Variants in PAPLN observed in about 807,000 individuals in gnomAD.
PAPLN encodes papilin.
A neutral mutation model predicts 159.0 loss-of-function variants in PAPLN; 146 were observed. The observed-to-expected ratio is 0.92, with a 90% confidence interval of 0.80 to 1.05. The LOEUF is 1.05. Among genes scored for constraint, PAPLN ranks in the 50% least tolerant of loss-of-function variants. The pLI is 0.00. For missense variants in PAPLN, 1,720 were observed against 1,743.9 expected (o/e 0.99, Z 0.24); for synonymous variants, 734 against 702.9 (o/e 1.04, Z -0.70).
chr14:73,251,714 G>C lies in PAPLN; in HGVS notation c.721G>C (p.Glu241Gln), dbSNP rs748584574. The C allele has an allele frequency of 6.2e-7, 1 of 1,613,276 alleles. No individual in the cohort carries two copies. The highest frequency in any genetic ancestry group is 8.5e-7 in the Non-Finnish European group (1 of 1,179,992). ...CTACCTCAATGGGCACTGGACCATC[G>C]AGGCGGCCCGGGCCCTGCCAGCAGC... ...EYYLNGHWTI[E>Q]AARALPAAST... Residue 241 changes from glutamate to glutamine, a missense_variant, in exon 9 of 27, where the codon GAG becomes CAG. Transcript: ENST00000644200.
Position 73,245,260 on chromosome 14 carries a change from TGA to T in PAPLN, c.171-371_171-370del, listed in dbSNP as rs1594780297. ...CCTGAGAACCCTATGTGAGGAGGAA[TGA>T]GAGACCAGGAATGATCCTAAGAGCC... On this transcript the variant is annotated intron_variant, in intron 3 of 26. Coordinates refer to ENST00000644200, the MANE Select transcript of PAPLN (RefSeq NM_001365906.3). This position sits in a 1 kb window ranked among gnomAD's most constrained non-coding sequence, Gnocchi z 4.2. 4.2e-6 allele frequency: 1 copy of T among 237,746 alleles called. No individual in the cohort carries two copies. Among genetic ancestry groups the T allele is most frequent in the South Asian group, 6.8e-5 (1 of 14,806 alleles). The allele number at this position is 237,746 out of a possible 1,614,324, so 14.7% of individuals were successfully genotyped here.
chr14:73,260,869 C>G (rs765680856), intron 17 of PAPLN, 40 bp downstream of exon 17: 1 of 1,494,522 alleles, frequency 6.7e-7, no homozygotes. Context: ...GGGGGCCAGC[C>G]CGTGAGCCTG....
intron 5 of PAPLN, 61 bp from the exon 6 acceptor site, chr14:73,249,923 G>A: frequency 6.6e-7 from 1 of 1,525,712 alleles, no homozygotes. Context: ...GTAAGCCTTG[G>A]GTCTTGGGGA....
In PAPLN at chr14:73,262,577, A is replaced by G; in HGVS notation, c.2473A>G (p.Thr825Ala). The change falls in exon 19 of 27, where the codon ACG becomes GCG. Residue 825 changes from threonine (T) to alanine (A), a missense_variant. Coordinates refer to ENST00000644200, the MANE Select transcript of PAPLN (RefSeq NM_001365906.3). ...QPGASGRSTH[T>A]DGGGSSPAGE... ...TGGGGCTTCTGGAAGGAGCACCCAC[A>G]CGGATGGTGGCGGCAGCAGTCCTGC... 1 of 1,564,626 alleles carries G rather than the reference A, an allele frequency of 6.4e-7. No individual in the cohort carries two copies. The highest frequency in any genetic ancestry group is 8.7e-7 in the Non-Finnish European group (1 of 1,153,358).
intron 1 of PAPLN, among the ~76,000 whole-genome samples, chr14:73,239,414 G>T (rs1242045632): frequency 1.3e-5 from 2 of 152,202 alleles, no homozygotes; most frequent in African/African-American, 4.8e-5. Flanking sequence ...TTTTTTAAAA[G>T]GAATCTTGCT....
At chr14:73,237,828 G>C (rs1883127380) in intron 1 of PAPLN, among the ~76,000 whole-genome samples, 1 of 152,158 alleles carries the variant, frequency 6.6e-6, no homozygotes, top group South Asian at 2.1e-4. Context: ...CGGGGAGCTG[G>C]TGCGGGACGG....
chr14:73,266,722 G>A lies in PAPLN; in HGVS notation c.3392-1G>A. The A allele has an allele frequency of 1.2e-6, 2 of 1,614,126 alleles. No homozygotes were observed. The highest frequency in any genetic ancestry group is 1.7e-6 in the Non-Finnish European group (2 of 1,180,000). On this transcript the variant is annotated splice_acceptor_variant, in intron 24 of 26. Transcript: ENST00000644200. LOFTEE classifies it high-confidence loss of function. ...TGACAATGACTTGTCCTTGTGCCCA[G>A]GGGAGCTGACAATCTCAGGACTGCC...
rs1335290558 is a variant in PAPLN at position 73,274,091 on chromosome 14, A to ATGTT, written c.*1430_*1433dup. 1 of 152,246 alleles carries ATGTT rather than the reference A, an allele frequency of 6.6e-6. No homozygotes were observed. Among genetic ancestry groups the ATGTT allele is most frequent in the East Asian group, 1.9e-4 (1 of 5,204 alleles). 9.4% of individuals were successfully genotyped at this position (152,246 alleles called of 1,614,324 possible). On this transcript the variant is annotated 3_prime_UTR_variant, in exon 27 of 27. Transcript: ENST00000644200. ...CTTAAGTAGGAATCTGTGAAGCAAA[A>ATGTT]TGTTTGCTGCCAAAGACAAATCAGA...
Position 73,254,554 on chromosome 14 carries a change from T to C in PAPLN, c.1344T>C (p.Val448=). 1 of 1,614,078 alleles carries C rather than the reference T, an allele frequency of 6.2e-7. No homozygotes were observed. The highest frequency in any genetic ancestry group is 1.1e-5 in the South Asian group (1 of 91,088). ...SCGVGVRKRS[V]TCRGERGSLL... ...GCGTTGGCGTCCGGAAGCGGAGCGT[T>C]ACTTGCCGGGGTGAAAGGGGTTCTT... The change falls in exon 13 of 27, where the codon GTT becomes GTC. Residue 448 remains valine (V), a synonymous_variant. Transcript: ENST00000644200.
At chr14:73,264,987 G>A (rs375249721) in intron 22 of PAPLN, among the ~76,000 whole-genome samples, 1 of 152,210 alleles carries the variant, frequency 6.6e-6, no homozygotes, top group South Asian at 2.1e-4. Flanking sequence ...GGCCTGAGCC[G>A]GCTTCTTTGA....
intron 5 of PAPLN, among the ~76,000 whole-genome samples, chr14:73,248,222 T>A (rs177397): frequency 0.012 from 1,719 of 140,458 alleles, 103 homozygotes; most frequent in African/African-American, 0.036. Context: ...GCTGTGGGCA[T>A]GGCCCAGTGG....
intron 2 of PAPLN, among the ~76,000 whole-genome samples, chr14:73,242,195 G>C (rs1184902389): frequency 1.3e-5 from 2 of 152,246 alleles, no homozygotes; most frequent in African/African-American, 4.8e-5. Context: ...CTCCTGGCTA[G>C]TGGACACCTG....
rs562890068 is a variant in PAPLN, at chr14:73,257,753, C to CTTTTTTTTTTTTTTTTTTTTTTTTTTTTT, written c.1628-1198_1628-1197insTTTTTTTTTTTTTTTTTTTTTTTTTTTTT. ...GTTTTCATTATCTAGTCTCTTTCTT[C>CTTTTTTTTTTTTTTTTTTTTTTTTTTTTT]TTTTTTTTTTTTTTTTTTTTTTTTT... On this transcript the variant is annotated intron_variant, in intron 14 of 26. Coordinates refer to ENST00000644200, the MANE Select transcript of PAPLN (RefSeq NM_001365906.3). 4.4e-5 allele frequency among the ~76,000 whole-genome samples: 4 copies of CTTTTTTTTTTTTTTTTTTTTTTTTTTTTT among 91,256 alleles called. 1 individual carries two copies. The highest frequency in any genetic ancestry group is 9.7e-4 in the East Asian group (2 of 2,054). 59.9% of individuals were successfully genotyped at this position (91,256 alleles called of 152,430 possible).
chr14:73,236,582 C>T (rs1278271653), upstream of PAPLN, among the ~76,000 whole-genome samples: 3 of 151,992 alleles, frequency 2.0e-5, no homozygotes, highest in South Asian at 4.2e-4. Flanking sequence ...TTTGGGAGTC[C>T]GAGGTGGGTG....
At chr14:73,250,843 CG>C in intron 6 of PAPLN, 63 bp from the exon 7 acceptor site, 1 of 1,520,038 alleles carries the variant, frequency 6.6e-7, no homozygotes. Flanking sequence ...TAGGATGCGA[CG>C]GGGCCCAAGG....
At chr14:73,246,341 C>T (rs1434693133) in intron 5 of PAPLN, among the ~76,000 whole-genome samples, 166 bp downstream of exon 5, 4 of 151,024 alleles carry the variant, frequency 2.6e-5, no homozygotes, top group Non-Finnish European at 4.4e-5. Context: ...AGGGATCCGC[C>T]GGCAGCGACC....
chr14:73,264,124 C>T (rs1886948521), intron 20 of PAPLN, 87 bp from the exon 21 acceptor site: 25 of 1,600,576 alleles, frequency 1.6e-5, no homozygotes, highest in Non-Finnish European at 2.1e-5. Context: ...CTCTGGTCCC[C>T]TCTGGCACGA....
At chr14:73,267,307 G>A (rs1887324274) in intron 25 of PAPLN, among the ~76,000 whole-genome samples, 1 of 152,122 alleles carries the variant, frequency 6.6e-6, no homozygotes, top group Non-Finnish European at 1.5e-5. Context: ...TAGATCAATT[G>A]GTTTTATATT....
chr14:73,265,428 C>T lies in PAPLN; in HGVS notation c.3184C>T (p.Arg1062Trp), dbSNP rs766075440. Reference sequence around the variant, plus strand: ...GGATGCCAGTCCAGGCCAGCGGATCCGGATGACCTGCCGTGCCGAAGGCTT... The same window carrying T: ...GGATGCCAGTCCAGGCCAGCGGATCTGGATGACCTGCCGTGCCGAAGGCTT... ...VVDASPGQRI[R>W]MTCRAEGFPP... Residue 1062 changes from arginine (R) to tryptophan (W), a missense_variant, in exon 23 of 27, where the codon CGG (arginine) becomes TGG (tryptophan). By Grantham distance (101) the Arg-to-Trp change is moderately radical. Transcript: ENST00000644200. The surrounding 1 kb of genome is among the most constrained non-coding windows in gnomAD (Gnocchi z 4.1). 1.2e-5 allele frequency: 20 copies of T among 1,612,836 alleles called. No homozygotes were observed. Among genetic ancestry groups the T allele is most frequent in the South Asian group, 5.5e-5 (5 of 91,096 alleles).
Sources: gnomAD v4.1 joint callset for allele counts (sites outside exome capture counted in the v4.1 genomes callset) on GRCh38, gnomAD v4.1.1 for gene constraint, Gnocchi (gnomAD v3.1) non-coding constraint, MANE v1.5 for transcripts, NCBI Gene and HGNC (gene_info 2026-07-23, HGNC 2026-07-21) for gene names.